Variants in PPP2R2B observed in about 807,000 individuals in gnomAD.
PPP2R2B encodes protein phosphatase 2 regulatory subunit Bbeta.
PPP2R2B carries 5 observed loss-of-function variants against 46.0 expected under a neutral mutation model. The observed-to-expected ratio is 0.11, with a 90% CI of 0.06 to 0.23. PPP2R2B has a LOEUF of 0.23. Ranked by LOEUF, PPP2R2B falls within the 10% of genes least tolerant of loss-of-function variation. PPP2R2B has a pLI of 1.00. For missense variants in PPP2R2B, 367 were observed against 575.0 expected (o/e 0.64, Z 3.70); for synonymous variants, 215 against 206.7 (o/e 1.04, Z -0.34).
At chr5:146,613,674 G>T (rs1166930133) in intron 7 of PPP2R2B, among the ~76,000 whole-genome samples, 1 of 126,464 alleles carries the variant, frequency 7.9e-6, no homozygotes, top group Non-Finnish European at 1.6e-5. Context: ...AAATCAATGT[G>T]CAAAAATCAC....
chr5:146,760,296 T>C (rs1754082591), intron 2 of PPP2R2B, among the ~76,000 whole-genome samples: 1 of 152,188 alleles, frequency 6.6e-6, no homozygotes, highest in South Asian at 2.1e-4. Flanking sequence ...GGAACTGAAG[T>C]ATATGGAATT....
At chr5:147,050,285 G>A (rs1269218401) in intron 1 of PPP2R2B, among the ~76,000 whole-genome samples, 1 of 152,158 alleles carries the variant, frequency 6.6e-6, no homozygotes, top group East Asian at 1.9e-4. Context: ...AATGCCGTGT[G>A]CACTTGGAAA....
At chr5:146,591,893 G>A (rs1199691407) in intron 9 of PPP2R2B, among the ~76,000 whole-genome samples, 2 of 152,262 alleles carry the variant, frequency 1.3e-5, no homozygotes, top group East Asian at 1.9e-4. Flanking sequence ...AATCTTGTTA[G>A]ACTGTGGTTG....
intron 2 of PPP2R2B, among the ~76,000 whole-genome samples, chr5:146,720,136 C>T (rs1367861365): frequency 1.3e-5 from 2 of 152,192 alleles, no homozygotes; most frequent in African/African-American, 4.8e-5. Context: ...GTGGTATCCT[C>T]TGCAAACTGG....
intron 2 of PPP2R2B, among the ~76,000 whole-genome samples, chr5:146,808,579 A>T (rs535008089): frequency 2.4e-4 from 37 of 152,156 alleles, no homozygotes; most frequent in Non-Finnish European, 3.8e-4. Context: ...GAGTCCTAAA[A>T]CTTGACCCTG....
At chr5:146,861,060 T>C (rs535118830) in intron 2 of PPP2R2B, among the ~76,000 whole-genome samples, 74 of 145,594 alleles carry the variant, frequency 5.1e-4, no homozygotes, top group Non-Finnish European at 7.1e-4. Flanking sequence ...TTTTCTTTTT[T>C]TTTTTTTTTT....
chr5:147,046,967 C>T (rs1173678169), intron 1 of PPP2R2B, among the ~76,000 whole-genome samples: 1 of 152,044 alleles, frequency 6.6e-6, no homozygotes, highest in African/African-American at 2.4e-5. Context: ...ACATACTTCC[C>T]AAAGCACATA....
In PPP2R2B at chr5:146,773,837, T is replaced by C. The variant is rs190963835; in HGVS notation, c.71-72695A>G. Among the ~76,000 whole-genome samples, 15 of 152,358 alleles carry C rather than the reference T, an allele frequency of 9.8e-5. No homozygotes were observed. The East Asian group carries it at 2.5e-3, about 25-fold the overall frequency. Reference sequence around the variant, plus strand: ...ATTGCCATGAGTTTTTTGTTTAATGTGAATTATTTATATAATTAATCTGTT... The same window carrying C: ...ATTGCCATGAGTTTTTTGTTTAATGCGAATTATTTATATAATTAATCTGTT... On this transcript the variant is annotated intron_variant, in intron 2 of 9. Coordinates refer to ENST00000394411, the MANE Select transcript of PPP2R2B (RefSeq NM_181675.4).
At chr5:146,643,990 G>C (rs1156450462) in intron 6 of PPP2R2B, among the ~76,000 whole-genome samples, 2 of 152,130 alleles carry the variant, frequency 1.3e-5, no homozygotes, top group Non-Finnish European at 2.9e-5. Context: ...GAAAGGGTGT[G>C]GCTGTGTTCC....
intron 8 of PPP2R2B, 115 bp from the exon 9 acceptor site, chr5:146,593,177 A>T (rs1056760048): frequency 1.2e-5 from 11 of 930,752 alleles, no homozygotes; most frequent in Non-Finnish European, 1.9e-5. Context: ...TGCTCTTTGA[A>T]TCAGATGGCC....
At chr5:146,721,648 G>A (rs888093531) in intron 2 of PPP2R2B, among the ~76,000 whole-genome samples, 1 of 152,230 alleles carries the variant, frequency 6.6e-6, no homozygotes, top group East Asian at 1.9e-4. Context: ...CGCCCTGTGC[G>A]CTTCTTTGGC....
At chr5:146,967,973 T>C (rs755825904) in intron 1 of PPP2R2B, among the ~76,000 whole-genome samples, 2 of 152,220 alleles carry the variant, frequency 1.3e-5, no homozygotes, top group Non-Finnish European at 2.9e-5. Context: ...ACTCAGCTTA[T>C]ATAAGCCGCA....
At chr5:146,600,242 C>A in intron 8 of PPP2R2B, 49 bp downstream of exon 8, 2 of 1,580,080 alleles carry the variant, frequency 1.3e-6, no homozygotes, top group South Asian at 1.2e-5. Context: ...GACTTAAAAG[C>A]TCATGAAGGG....
chr5:146,788,998 C>G (rs1227913193), intron 2 of PPP2R2B, among the ~76,000 whole-genome samples: 6 of 152,232 alleles, frequency 3.9e-5, no homozygotes, highest in Non-Finnish European at 7.4e-5. Flanking sequence ...AAAAAGGGCT[C>G]AGATCAGTTG....
intron 2 of PPP2R2B, among the ~76,000 whole-genome samples, chr5:146,726,790 A>G (rs777468724): frequency 1.4e-4 from 21 of 152,178 alleles, no homozygotes; most frequent in Admixed American, 2.0e-4. Flanking sequence ...TGTATAAATT[A>G]TCCAAAGTCG....
At chr5:146,716,794 C>T (rs764487636) in intron 2 of PPP2R2B, among the ~76,000 whole-genome samples, 1 of 152,128 alleles carries the variant, frequency 6.6e-6, no homozygotes, top group Non-Finnish European at 1.5e-5. Flanking sequence ...TAAAACTTCA[C>T]TAACTTAGCT....
intron 5 of PPP2R2B, among the ~76,000 whole-genome samples, chr5:146,658,271 T>A (rs1776464218): frequency 6.6e-6 from 1 of 152,188 alleles, no homozygotes; most frequent in African/African-American, 2.4e-5. Context: ...TTATCCCATC[T>A]TGAGGCACTA....
chr5:146,860,005 T>C (rs141234395), intron 2 of PPP2R2B, among the ~76,000 whole-genome samples: 11 of 152,294 alleles, frequency 7.2e-5, no homozygotes, highest in African/African-American at 2.6e-4. Flanking sequence ...TTGGAGAGAT[T>C]CAACCAAAAG....
At chr5:146,654,157 TTA>T (rs1228972025) in intron 5 of PPP2R2B, among the ~76,000 whole-genome samples, 4 of 152,154 alleles carry the variant, frequency 2.6e-5, no homozygotes, top group African/African-American at 9.7e-5. Context: ...GTCACTGAGT[TTA>T]GAACCCCTGA....
Sources: gnomAD v4.1 joint callset for allele counts (sites outside exome capture counted in the v4.1 genomes callset) on GRCh38, gnomAD v4.1.1 for gene constraint, MANE v1.5 for transcripts, NCBI Gene and HGNC (gene_info 2026-07-23, HGNC 2026-07-21) for gene names.